Variants in RBFOX1 observed in about 807,000 individuals in gnomAD.
RBFOX1 encodes the protein RNA binding fox-1 homolog 1, also known as RNA binding protein fox-1 homolog 1.
Under a neutral mutation model 57.7 loss-of-function variants are expected in RBFOX1, and 8 were observed. The observed-to-expected ratio is 0.14, with a 90% CI of 0.08 to 0.25. The LOEUF is 0.25. Among genes scored for constraint, RBFOX1 ranks in the 10% least tolerant of loss-of-function variants. The pLI, the probability that RBFOX1 is intolerant of heterozygous loss-of-function variation, is 1.00. For synonymous variants in RBFOX1, 326 were observed against 222.4 expected (o/e 1.47, Z -4.15); for missense variants, 611 against 548.5 (o/e 1.11, Z -1.14).
chr16:6,503,220 A>G (rs572702577), intron 2 of RBFOX1, among the ~76,000 whole-genome samples: 158 of 152,236 alleles, frequency 1.0e-3, no homozygotes, highest in Non-Finnish European at 1.8e-3. Flanking sequence ...TTTAATAAAA[A>G]TAACGTTAAA....
At chr16:6,512,564 C>G (rs931073169) in intron 2 of RBFOX1, among the ~76,000 whole-genome samples, 1 of 152,110 alleles carries the variant, frequency 6.6e-6, no homozygotes, top group African/African-American at 2.4e-5. Flanking sequence ...ACAAGAGCCT[C>G]TTTTTAGTCT....
At chr16:6,926,706 C>A (rs2075651677) in intron 3 of RBFOX1, among the ~76,000 whole-genome samples, 1 of 152,260 alleles carries the variant, frequency 6.6e-6, no homozygotes, top group Non-Finnish European at 1.5e-5. Flanking sequence ...AGCTCTTCTT[C>A]CCGTTAATTC....
At position 7,423,872 on chromosome 16, in the gene RBFOX1, C is replaced by T. The variant is rs547681949; in HGVS notation, c.28-94275C>T. On this transcript the variant is annotated intron_variant, in intron 4 of 15. Coordinates refer to ENST00000550418, the MANE Select transcript of RBFOX1 (RefSeq NM_018723.4). ...TGGAGGTGGCGCCATGCATTATGCA[C>T]ATGAGCTGTCTTTACCAGCCTGTCC... is the stretch of plus-strand genomic sequence containing the variant. 6.6e-5 allele frequency among the ~76,000 whole-genome samples: 10 copies of T among 152,268 alleles called. No individual in the cohort carries two copies. The East Asian group carries it at 1.9e-3, about 29-fold the overall frequency.
At chr16:7,181,239 C>T (rs545106061) in intron 4 of RBFOX1, among the ~76,000 whole-genome samples, 7 of 152,156 alleles carry the variant, frequency 4.6e-5, no homozygotes, top group African/African-American at 1.2e-4. Flanking sequence ...CTGCTATGCC[C>T]CGATGAGCAT....
chr16:7,039,727 G>C (rs58798095), intron 3 of RBFOX1, among the ~76,000 whole-genome samples: 2 of 152,032 alleles, frequency 1.3e-5, no homozygotes, highest in South Asian at 4.1e-4. Context: ...GAAGCAGTGG[G>C]TATGATTACA....
At chr16:7,081,572 A>G (rs1446205564) in intron 4 of RBFOX1, among the ~76,000 whole-genome samples, 2 of 152,202 alleles carry the variant, frequency 1.3e-5, no homozygotes, top group African/African-American at 4.8e-5. Context: ...GGAGGACATT[A>G]TTTATGTACT....
chr16:6,193,160 T>C (rs1409539955), intron 1 of RBFOX1, among the ~76,000 whole-genome samples: 12 of 151,708 alleles, frequency 7.9e-5, no homozygotes, highest in Non-Finnish European at 1.8e-4. Context: ...GTGTTCATCC[T>C]ATGTCCTTAT....
chr16:6,506,668 G>C (rs2096101907), intron 2 of RBFOX1, among the ~76,000 whole-genome samples: 1 of 81,578 alleles, frequency 1.2e-5, no homozygotes, highest in South Asian at 4.5e-4. Flanking sequence ...TTTTTTTTGA[G>C]ATGGAGTCTC....
chr16:6,594,255 A>G (rs79632613), intron 2 of RBFOX1, among the ~76,000 whole-genome samples: 4,266 of 152,278 alleles, frequency 0.028, 186 homozygotes, highest in African/African-American at 0.096. Flanking sequence ...TGAAGAAGGA[A>G]ACACGAAGTT....
At chr16:6,767,886 C>T (rs568599596) in intron 3 of RBFOX1, among the ~76,000 whole-genome samples, 57 of 149,388 alleles carry the variant, frequency 3.8e-4, no homozygotes, top group Non-Finnish European at 7.2e-4. Context: ...TGCACTCCAG[C>T]CTGGGCAACA....
At chr16:5,626,374 C>T (rs993580992) in intron 3 of RBFOX1, among the ~76,000 whole-genome samples, 9 of 152,152 alleles carry the variant, frequency 5.9e-5, no homozygotes, top group Non-Finnish European at 1.3e-4. Context: ...GTATTTTAAT[C>T]TTCTCATCTT....
intron 2 of RBFOX1, among the ~76,000 whole-genome samples, chr16:6,364,422 A>C (rs1261665466): frequency 6.6e-6 from 1 of 151,904 alleles, no homozygotes; most frequent in African/African-American, 2.4e-5. Flanking sequence ...CAGCATTATT[A>C]TTTTTAACAC....
At chr16:6,191,078 T>C (rs1244751907) in intron 1 of RBFOX1, among the ~76,000 whole-genome samples, 1 of 151,746 alleles carries the variant, frequency 6.6e-6, no homozygotes, top group African/African-American at 2.4e-5. Context: ...TAATCAGTCC[T>C]GAAGCATCTT....
chr16:7,235,336 T>C (rs548478676), intron 4 of RBFOX1, among the ~76,000 whole-genome samples: 2 of 152,200 alleles, frequency 1.3e-5, no homozygotes, highest in South Asian at 2.1e-4. Context: ...CCTAGTGGTA[T>C]TTTTGGCTCT....
intron 3 of RBFOX1, among the ~76,000 whole-genome samples, chr16:6,913,507 A>G (rs1022012591): frequency 2.0e-5 from 3 of 152,068 alleles, no homozygotes; most frequent in Non-Finnish European, 1.5e-5. Flanking sequence ...CGGCCCCATC[A>G]TCTGCAGTGC....
chr16:7,102,257 C>T (rs1475171344), intron 4 of RBFOX1, among the ~76,000 whole-genome samples: 1 of 152,170 alleles, frequency 6.6e-6, no homozygotes, highest in African/African-American at 2.4e-5. Context: ...TTTCTCAATT[C>T]TACCTTTGTA....
rs1178577326 is a variant in RBFOX1 at position 7,482,542 on chromosome 16, A to ATT, written c.28-35580_28-35579dup. Among the ~76,000 whole-genome samples, 501 of 77,216 alleles carry ATT rather than the reference A, an allele frequency of 6.5e-3. 33 individuals carry two copies. The highest frequency in any genetic ancestry group is 0.02 in the African/African-American group (343 of 17,252). 50.7% of individuals were successfully genotyped at this position (77,216 alleles called of 152,430 possible). ...TGCATCTTCCCTTTGATTGCCTGGG[A>ATT]TTTTTTTTTTTTTTTTTTTTTTTTT... On this transcript the variant is annotated intron_variant, in intron 4 of 15. Coordinates refer to ENST00000550418, the MANE Select transcript of RBFOX1 (RefSeq NM_018723.4).
intron 4 of RBFOX1, among the ~76,000 whole-genome samples, chr16:7,488,253 T>A (rs2065938290): frequency 6.6e-6 from 1 of 152,228 alleles, no homozygotes; most frequent in South Asian, 2.1e-4. Context: ...CCTGGTGTTG[T>A]TCTGGCATGG....
chr16:7,605,929 C>A (rs1014571139), intron 9 of RBFOX1, among the ~76,000 whole-genome samples: 1 of 151,906 alleles, frequency 6.6e-6, no homozygotes, highest in South Asian at 2.1e-4. Context: ...ACCTCTGACT[C>A]CCAGCTTCAA....
Sources: allele counts gnomAD v4.1 joint callset (sites outside exome capture counted in the v4.1 genomes callset), GRCh38; gene constraint gnomAD v4.1.1; transcripts MANE v1.5; gene names NCBI Gene and HGNC (gene_info 2026-07-23, HGNC 2026-07-21).